The following FRY variants were observed in gnomAD, a reference collection of about 807,000 sequenced individuals.
The protein encoded by FRY is protein furry homolog.
Under a neutral mutation model 348.4 loss-of-function variants are expected in FRY, and 128 were observed. The observed-to-expected ratio is 0.37, with a 90% confidence interval of 0.32 to 0.43. FRY has a LOEUF of 0.43. Among genes scored for constraint, FRY ranks in the 20% least tolerant of loss-of-function variants. The pLI, the probability that FRY is intolerant of heterozygous loss-of-function variation, is 1.00. For missense variants in FRY, 2,736 were observed against 3,695.2 expected (o/e 0.74, Z 6.73); for synonymous variants, 1,370 against 1,374.7 (o/e 1.00, Z 0.08).
intron 13 of FRY, 94 bp downstream of exon 13, chr13:32,148,041 T>C (rs893412850): frequency 5.1e-6 from 4 of 791,606 alleles, no homozygotes; most frequent in African/African-American, 3.4e-5. Flanking sequence ...AAAGTCTAAA[T>C]TAGCATCTTA....
intron 30 of FRY, 137 bp from the exon 31 acceptor site, chr13:32,202,219 A>G: frequency 1.2e-6 from 1 of 818,662 alleles, no homozygotes; most frequent in Non-Finnish European, 2.1e-6. Flanking sequence ...AATTAAACTG[A>G]TGTTTTACCT....
chr13:32,194,161 G>A lies in FRY; in HGVS notation c.3610G>A (p.Glu1204Lys), dbSNP rs779292401. The A allele has an allele frequency of 8.7e-6, 14 of 1,613,860 alleles. No homozygotes were observed. Among genetic ancestry groups the A allele is most frequent in the Middle Eastern group, 1.6e-4 (1 of 6,062 alleles). The part of the protein sequence containing the change: ...QDLRVHQLGC[E>K]VVVLLLELNP... ...TATTCAGGTTCATCAACTTGGCTGC[G>A]AAGTTGTTGTCTTGCTACTGGAACT... Residue 1204 changes from glutamate to lysine, a missense_variant, in exon 29 of 61, where the codon GAA becomes AAA. Around this residue, in one of 9 missense-constraint regions of FRY, gnomAD observed 794 missense variants for 977.0 expected, o/e 0.81. Transcript: ENST00000542859.
intron 54 of FRY, among the ~76,000 whole-genome samples, chr13:32,266,426 T>G (rs1887930606): frequency 6.6e-6 from 1 of 152,194 alleles, no homozygotes; most frequent in South Asian, 2.1e-4. Context: ...TCCAGGCATT[T>G]GTGCATATGC....
At chr13:32,151,173 A>G (rs112210638) in intron 14 of FRY, among the ~76,000 whole-genome samples, 1 of 152,244 alleles carries the variant, frequency 6.6e-6, no homozygotes, top group African/African-American at 2.4e-5. Context: ...TAAAAAGGAC[A>G]TGTTAAAAGC....
chr13:32,100,750 G>A (rs930298975), intron 2 of FRY, among the ~76,000 whole-genome samples: 1 of 152,050 alleles, frequency 6.6e-6, no homozygotes, highest in Non-Finnish European at 1.5e-5. Context: ...TCAGAGTTTT[G>A]GATACCCAGA....
At chr13:32,245,265 C>T (rs945037408) in intron 47 of FRY, among the ~76,000 whole-genome samples, 1 of 151,754 alleles carries the variant, frequency 6.6e-6, no homozygotes, top group African/African-American at 2.4e-5. Flanking sequence ...TTCTTAAAGC[C>T]GTACTCTGAG....
At chr13:32,232,668 T>C (rs1030317966) in intron 41 of FRY, among the ~76,000 whole-genome samples, 5 of 152,148 alleles carry the variant, frequency 3.3e-5, no homozygotes, top group African/African-American at 1.2e-4. Context: ...TTCCTCAGGA[T>C]GAGTTGACAC....
chr13:32,267,376 A>C lies in FRY; in HGVS notation c.8136+17A>C, dbSNP rs201514358. ...TTGTTTAAGGTATGTGTGCTCACTGAAAGTGCAGAGGACTTAGTTTCTAAG... is the reference window on the plus strand; with the variant it reads ...TTGTTTAAGGTATGTGTGCTCACTGCAAGTGCAGAGGACTTAGTTTCTAAG... On this transcript the variant is annotated intron_variant, in intron 55 of 60. Coordinates refer to ENST00000542859, the MANE Select transcript of FRY (RefSeq NM_023037.3). 156 of 1,608,750 alleles carry C rather than the reference A, an allele frequency of 9.7e-5. No homozygotes were observed. Among genetic ancestry groups the C allele is most frequent in the Non-Finnish European group, 1.2e-4 (145 of 1,175,482 alleles).
At chr13:32,278,805 TA>T (rs1282835904) in intron 58 of FRY, among the ~76,000 whole-genome samples, 16 of 152,348 alleles carry the variant, frequency 1.1e-4, no homozygotes, top group Non-Finnish European at 8.8e-5. Context: ...CTAACTATAC[TA>T]ATAATTTCCT....
intron 3 of FRY, among the ~76,000 whole-genome samples, chr13:32,106,117 T>G (rs1318070139): frequency 4.0e-5 from 6 of 148,156 alleles, no homozygotes; most frequent in African/African-American, 1.5e-4. Context: ...TATATTAATA[T>G]TAAGTTAAAT....
intron 41 of FRY, among the ~76,000 whole-genome samples, chr13:32,232,672 T>A (rs1222575250): frequency 6.6e-6 from 1 of 152,124 alleles, no homozygotes; most frequent in East Asian, 1.9e-4. Context: ...TCAGGATGAG[T>A]TGACACCCCA....
At chr13:32,199,777 G>T (rs1205124905) in intron 29 of FRY, among the ~76,000 whole-genome samples, 1 of 152,194 alleles carries the variant, frequency 6.6e-6, no homozygotes, top group Non-Finnish European at 1.5e-5. Flanking sequence ...ACTTTTTCAT[G>T]TGTATAATTT....
At chr13:32,248,946 G>A (rs886402400) in intron 48 of FRY, among the ~76,000 whole-genome samples, 1 of 152,192 alleles carries the variant, frequency 6.6e-6, no homozygotes, top group African/African-American at 2.4e-5. Context: ...AAGCCCATGA[G>A]CTGGTGTCTG....
chr13:32,054,347 T>C (rs1873505521), intron 1 of FRY, among the ~76,000 whole-genome samples: 7 of 152,192 alleles, frequency 4.6e-5, no homozygotes, highest in Admixed American at 4.6e-4. Context: ...AATTTATGCA[T>C]TTATCAAGTG....
intron 31 of FRY, among the ~76,000 whole-genome samples, chr13:32,205,410 G>C (rs543972764): frequency 6.6e-6 from 1 of 152,258 alleles, no homozygotes; most frequent in Non-Finnish European, 1.5e-5. Flanking sequence ...TTGCATAGCA[G>C]ACAAGTAGTT....
intron 18 of FRY, 29 bp downstream of exon 18, chr13:32,171,299 ATATTCT>A: frequency 3.1e-6 from 2 of 638,184 alleles, no homozygotes; most frequent in South Asian, 1.6e-5. Context: ...CCATGAATTT[ATATTCT>A]TTTTTTTTTT....
At chr13:32,148,477 G>A (rs914800747) in intron 13 of FRY, among the ~76,000 whole-genome samples, 8 of 152,208 alleles carry the variant, frequency 5.3e-5, no homozygotes, top group Middle Eastern at 3.2e-3. Context: ...AACAGGTCCA[G>A]TAATATTAAA....
intron 14 of FRY, among the ~76,000 whole-genome samples, chr13:32,150,671 G>C (rs925895984): frequency 1.3e-5 from 2 of 152,202 alleles, no homozygotes; most frequent in Non-Finnish European, 2.9e-5. Flanking sequence ...AAGAAAGAGA[G>C]AGAGAGGAGA....
intron 53 of FRY, among the ~76,000 whole-genome samples, chr13:32,264,592 C>T (rs1394072652): frequency 1.3e-5 from 2 of 152,314 alleles, no homozygotes; most frequent in East Asian, 3.9e-4. Context: ...AAAGAACAAT[C>T]AGTCCTCCTT....
Sources: allele counts gnomAD v4.1 joint callset (sites outside exome capture counted in the v4.1 genomes callset), GRCh38; gene constraint gnomAD v4.1.1; regional missense constraint gnomAD v4.1.1; transcripts MANE v1.5; gene names NCBI Gene and HGNC (gene_info 2026-07-23, HGNC 2026-07-21).